HBS1L: variants seen among roughly 807,000 people sequenced by gnomAD.
HBS1L encodes the protein HBS1-like protein.
HBS1L carries 55 observed loss-of-function variants against 88.9 expected under a neutral mutation model. The observed-to-expected ratio is 0.62, with a 90% CI of 0.50 to 0.77. HBS1L has a LOEUF of 0.77. HBS1L is among the 30% of genes least tolerant of loss of function. The pLI is 0.00. For missense variants in HBS1L, 741 were observed against 829.3 expected (o/e 0.89, Z 1.31); for synonymous variants, 267 against 288.5 (o/e 0.93, Z 0.76).
At chr6:134,988,654 A>G (rs1396821955) in intron 8 of HBS1L, among the ~76,000 whole-genome samples, 1 of 152,210 alleles carries the variant, frequency 6.6e-6, no homozygotes, top group East Asian at 1.9e-4. Flanking sequence ...AAGATTTGAA[A>G]GACAAAATTA....
intron 15 of HBS1L, among the ~76,000 whole-genome samples, chr6:134,971,911 T>G (rs778004868): frequency 2.6e-5 from 4 of 152,054 alleles, no homozygotes; most frequent in Non-Finnish European, 5.9e-5. Context: ...AGACTGAAAA[T>G]TTGAAGTTTT....
At chr6:135,036,979 C>T in intron 4 of HBS1L, 2 of 1,551,514 alleles carry the variant, frequency 1.3e-6, no homozygotes, top group South Asian at 1.2e-5. Context: ...TATAAGGACA[C>T]TAAGATCAAT....
At chr6:135,030,587 A>C (rs1022291386) in intron 4 of HBS1L, among the ~76,000 whole-genome samples, 1 of 152,220 alleles carries the variant, frequency 6.6e-6, no homozygotes, top group Non-Finnish European at 1.5e-5. Flanking sequence ...TGGCCGAAAT[A>C]AACTGAAAAG....
At chr6:135,030,727 CAATAAAGAAGAAAAT>C (rs1776359983) in intron 4 of HBS1L, among the ~76,000 whole-genome samples, 1 of 152,014 alleles carries the variant, frequency 6.6e-6, no homozygotes, top group Non-Finnish European at 1.5e-5. Flanking sequence ...GGAAAAGTAA[CAATAAAGAAGAAAAT>C]AATAAAGAGG....
chr6:134,975,077 A>T (rs974086540), intron 15 of HBS1L, among the ~76,000 whole-genome samples: 7 of 152,188 alleles, frequency 4.6e-5, no homozygotes, highest in African/African-American at 7.2e-5. Flanking sequence ...CAGGTTACAA[A>T]ATCAATGTAC....
chr6:134,996,807 A>G lies in HBS1L; in HGVS notation c.935T>C (p.Val312Ala), dbSNP rs753058056. 5 of 1,607,638 alleles carry G rather than the reference A, an allele frequency of 3.1e-6. No individual in the cohort carries two copies. Among genetic ancestry groups the G allele is most frequent in the Non-Finnish European group, 3.4e-6 (4 of 1,177,870 alleles). ...AGKASFAYAW[V>A]LDETGEERER... ...CCTTTCTTCGCCAGTTTCATCCAAG[A>G]CCCATGCATATGCAAACGAAGCTTT... is the stretch of plus-strand genomic sequence containing the variant. The change falls in exon 7 of 18, where the codon GTC becomes GCC. Residue 312 changes from valine (V) to alanine (A), a missense_variant. Physicochemically the swap from Val to Ala is moderately conservative, Grantham distance 64. This residue lies in a region of HBS1L where 556 missense variants were observed against 598.4 expected (regional missense o/e 0.93). Coordinates refer to ENST00000367837, the MANE Select transcript of HBS1L (RefSeq NM_006620.4).
Position 134,987,626 on chromosome 6 carries a change from CCA to C in HBS1L, c.1230+17_1230+18del. ...CTTAATTAGCATCTTAAACAAATCTCCACAAAGCCCTTAAATACCTGATCCAT... is the reference window on the plus strand; with the variant it reads ...CTTAATTAGCATCTTAAACAAATCTCCAAAGCCCTTAAATACCTGATCCAT... On this transcript the variant is annotated intron_variant, in intron 9 of 17. Coordinates refer to ENST00000367837, the MANE Select transcript of HBS1L (RefSeq NM_006620.4). 6.3e-7 allele frequency: 1 copy of C among 1,579,518 alleles called. No individual in the cohort carries two copies.
At position 135,054,629 on chromosome 6, in the gene HBS1L, G is replaced by A. The variant is rs752195924; in HGVS notation, c.43+20C>T. 1.2e-5 allele frequency: 20 copies of A among 1,613,754 alleles called. No homozygotes were observed. In the South Asian group the frequency reaches 1.5e-4, roughly 12 times the overall value. Reference sequence around the variant, plus strand: ...GCTGTAGCCGGGAAAAGAACGTCCCGGCATGACCCTGCCACCTACCTTCAT... The same window carrying A: ...GCTGTAGCCGGGAAAAGAACGTCCCAGCATGACCCTGCCACCTACCTTCAT... On this transcript the variant is annotated intron_variant, in intron 1 of 17. Coordinates refer to ENST00000367837, the MANE Select transcript of HBS1L (RefSeq NM_006620.4).
intron 15 of HBS1L, among the ~76,000 whole-genome samples, chr6:134,977,491 T>A (rs932370474): frequency 6.6e-6 from 1 of 152,046 alleles, no homozygotes. Context: ...GCAATTTTTT[T>A]AAAAGAAGCT....
chr6:134,980,692 T>C (rs539058448), intron 13 of HBS1L, among the ~76,000 whole-genome samples: 7 of 151,964 alleles, frequency 4.6e-5, no homozygotes, highest in African/African-American at 1.2e-4. Context: ...ACTTTTCTCA[T>C]TGGACAAACA....
At chr6:135,028,601 C>T (rs1776301752) in intron 4 of HBS1L, among the ~76,000 whole-genome samples, 1 of 152,122 alleles carries the variant, frequency 6.6e-6, no homozygotes, top group African/African-American at 2.4e-5. Context: ...AGAGCATACA[C>T]ATACACACGA....
chr6:134,974,085 C>T (rs1189710149), intron 15 of HBS1L, among the ~76,000 whole-genome samples: 1 of 151,920 alleles, frequency 6.6e-6, no homozygotes, highest in Non-Finnish European at 1.5e-5. Flanking sequence ...TTATAAACGA[C>T]ACCACAGATA....
At chr6:135,049,361 C>T (rs975219732) in intron 2 of HBS1L, among the ~76,000 whole-genome samples, 12 of 152,090 alleles carry the variant, frequency 7.9e-5, no homozygotes, top group African/African-American at 2.4e-4. Flanking sequence ...TCCCAAGGGC[C>T]CCACCTCCTA....
intron 4 of HBS1L, among the ~76,000 whole-genome samples, chr6:135,017,181 C>G (rs1289110147): frequency 6.6e-6 from 1 of 152,066 alleles, no homozygotes; most frequent in African/African-American, 2.4e-5. Context: ...ATCAGAAAAC[C>G]AGATGGCCTT....
chr6:135,045,480 G>A (rs553491595), intron 2 of HBS1L, among the ~76,000 whole-genome samples: 5 of 152,050 alleles, frequency 3.3e-5, no homozygotes, highest in Admixed American at 6.6e-5. Context: ...AGATTTCTAG[G>A]CTTCTTCCCC....
chr6:134,979,842 C>A (rs923486742), intron 13 of HBS1L, among the ~76,000 whole-genome samples: 1 of 151,946 alleles, frequency 6.6e-6, no homozygotes, highest in Admixed American at 6.6e-5. Context: ...AGAGAGAGAT[C>A]TGCATACTAA....
intron 5 of HBS1L, among the ~76,000 whole-genome samples, chr6:134,998,614 A>G (rs796501104): frequency 2.6e-5 from 4 of 152,346 alleles, no homozygotes; most frequent in African/African-American, 9.6e-5. Context: ...AATTTATAAT[A>G]ATCATTTAAG....
At chr6:135,040,344 C>CTTTTT (rs71006751) in intron 3 of HBS1L, among the ~76,000 whole-genome samples, 104 of 110,048 alleles carry the variant, frequency 9.5e-4, no homozygotes, top group East Asian at 2.2e-3. Context: ...GATAGGCATT[C>CTTTTT]TTTTTTTTTT....
At chr6:134,985,270 C>A in intron 12 of HBS1L, 71 bp downstream of exon 12, 1 of 933,714 alleles carries the variant, frequency 1.1e-6, no homozygotes, top group Non-Finnish European at 1.6e-6. Context: ...TAACTTAGTC[C>A]AGGAAAGGAG....
Sources: allele counts gnomAD v4.1 joint callset (sites outside exome capture counted in the v4.1 genomes callset), GRCh38; gene constraint gnomAD v4.1.1; regional missense constraint gnomAD v4.1.1; transcripts MANE v1.5; gene names NCBI Gene and HGNC (gene_info 2026-07-23, HGNC 2026-07-21).